GASK1A: variants seen among roughly 807,000 people sequenced by gnomAD.
GASK1A encodes the protein Golgi-associated kinase 1A.
A neutral mutation model predicts 41.2 loss-of-function variants in GASK1A; 40 were observed. The observed-to-expected ratio is 0.97, with a 90% confidence interval of 0.75 to 1.27. The LOEUF is 1.27. GASK1A is among the 50% of genes most tolerant of loss of function. GASK1A has a pLI of 0.00. For synonymous variants in GASK1A, 316 were observed against 307.1 expected (o/e 1.03, Z -0.30); for missense variants, 678 against 745.1 (o/e 0.91, Z 1.05).
intron 1 of GASK1A, among the ~76,000 whole-genome samples, chr3:42,997,794 GCAAA>G (rs1358670482): frequency 1.3e-5 from 2 of 152,208 alleles, no homozygotes; most frequent in Non-Finnish European, 2.9e-5. Context: ...GGATTCCAGT[GCAAA>G]CAGTTTATCT....
chr3:43,019,998 A>G (rs148710402), intron 1 of GASK1A, among the ~76,000 whole-genome samples: 1 of 152,250 alleles, frequency 6.6e-6, no homozygotes, highest in African/African-American at 2.4e-5. Flanking sequence ...GATGTCTGGT[A>G]GTTGAGGAAA....
rs185756449 is a variant in GASK1A at position 43,040,000 on chromosome 3, T to C, written c.1290+6447T>C. Among the ~76,000 whole-genome samples, 3 of 152,330 alleles carry C rather than the reference T, an allele frequency of 2.0e-5. No homozygotes were observed. The East Asian group carries it at 5.8e-4, about 29-fold the overall frequency. ...AATTAAGCTTTGTTTATAGTCTTTT[T>C]GCAGTGCAGAAAGTTTTAAAAATGT... On this transcript the variant is annotated intron_variant, in intron 2 of 4. Coordinates refer to ENST00000430121, the MANE Select transcript of GASK1A (RefSeq NM_001129908.3).
At chr3:42,994,433 G>A (rs1458469281) in intron 1 of GASK1A, among the ~76,000 whole-genome samples, 1 of 152,078 alleles carries the variant, frequency 6.6e-6, no homozygotes, top group African/African-American at 2.4e-5. Context: ...CAATTTGACT[G>A]TCTTTGTGTA....
chr3:43,029,552 C>T (rs1182676436), intron 1 of GASK1A, among the ~76,000 whole-genome samples: 1 of 152,090 alleles, frequency 6.6e-6, no homozygotes, highest in Non-Finnish European at 1.5e-5. Flanking sequence ...AACCCAACCC[C>T]TTGTAGATGA....
intron 2 of GASK1A, among the ~76,000 whole-genome samples, chr3:43,037,776 CAA>C (rs934542131): frequency 9.9e-5 from 15 of 152,178 alleles, no homozygotes; most frequent in African/African-American, 3.4e-4. Context: ...ATAAAGAAAA[CAA>C]ATTTTGGCAG....
intron 1 of GASK1A, among the ~76,000 whole-genome samples, chr3:42,997,392 A>G (rs1318883089): frequency 2.0e-5 from 3 of 146,868 alleles, no homozygotes; most frequent in Non-Finnish European, 3.0e-5. Flanking sequence ...GAGGTATTAC[A>G]TGTTCAAGCT....
At chr3:43,041,443 T>A (rs908820237) in intron 2 of GASK1A, among the ~76,000 whole-genome samples, 6 of 152,232 alleles carry the variant, frequency 3.9e-5, no homozygotes, top group South Asian at 4.1e-4. Context: ...GATATCTCAT[T>A]GTGGTTTTGA....
chr3:42,986,459 T>C (rs530222489), intron 1 of GASK1A, among the ~76,000 whole-genome samples: 1 of 152,272 alleles, frequency 6.6e-6, no homozygotes, highest in East Asian at 1.9e-4. Context: ...AGTTTCAGGT[T>C]TACTGTATGT....
chr3:42,997,379 T>A (rs1219945554), intron 1 of GASK1A, among the ~76,000 whole-genome samples: 3 of 146,488 alleles, frequency 2.0e-5, no homozygotes, highest in African/African-American at 5.0e-5. Flanking sequence ...ATGTTTCAAG[T>A]GTGAGGTATT....
intron 1 of GASK1A, among the ~76,000 whole-genome samples, chr3:42,992,868 A>G (rs911095175): frequency 6.6e-6 from 1 of 152,212 alleles, no homozygotes; most frequent in African/African-American, 2.4e-5. Context: ...GTCAGAACAA[A>G]TTTATAGACA....
At chr3:43,029,408 C>T (rs1487089848) in intron 1 of GASK1A, among the ~76,000 whole-genome samples, 1 of 152,130 alleles carries the variant, frequency 6.6e-6, no homozygotes, top group African/African-American at 2.4e-5. Context: ...CTGTGTTCTG[C>T]TACAGGTGCT....
At chr3:42,991,898 C>T (rs545633419) in intron 1 of GASK1A, among the ~76,000 whole-genome samples, 2 of 152,144 alleles carry the variant, frequency 1.3e-5, no homozygotes, top group Non-Finnish European at 2.9e-5. Context: ...CTGGATAGCA[C>T]GGGTGCTCAT....
At chr3:43,021,191 A>G (rs1559402325) in intron 1 of GASK1A, among the ~76,000 whole-genome samples, 1 of 152,068 alleles carries the variant, frequency 6.6e-6, no homozygotes, top group Non-Finnish European at 1.5e-5. Flanking sequence ...CACAATTGCT[A>G]GGCAGCCCCA....
Position 43,032,726 on chromosome 3 carries a change from C to T in GASK1A, c.463C>T (p.Gln155Ter), listed in dbSNP as rs2089583716. 2 of 1,551,392 alleles carry T rather than the reference C, an allele frequency of 1.3e-6. No homozygotes were observed. The highest frequency in any genetic ancestry group is 2.4e-5 in the South Asian group (2 of 84,066). Reference sequence around the variant, plus strand: ...AGGAACCAAAGACCTGGGCCACCCCCAGCATGGCAGTCCCATCCAGGAGAC... The same window carrying T: ...AGGAACCAAAGACCTGGGCCACCCCTAGCATGGCAGTCCCATCCAGGAGAC... ...DPGTKDLGHP[Q>*]HGSPIQETQS... The change falls in exon 2 of 5, where the codon CAG (glutamine) becomes TAG (stop). Residue 155 changes from glutamine to a stop codon, truncating the protein, a stop_gained. Transcript: ENST00000430121. LOFTEE classifies it high-confidence loss of function.
intron 1 of GASK1A, among the ~76,000 whole-genome samples, chr3:42,979,969 C>T (rs2089274310): frequency 6.6e-6 from 1 of 152,116 alleles, no homozygotes; most frequent in Admixed American, 6.5e-5. Context: ...GGGGAGCGTT[C>T]CCTGGGGAAC....
chr3:43,014,880 G>A (rs920639337), intron 1 of GASK1A, among the ~76,000 whole-genome samples: 6 of 151,906 alleles, frequency 3.9e-5, no homozygotes, highest in African/African-American at 1.5e-4. Context: ...AAGAGGCACT[G>A]TGAAATCACA....
At chr3:42,992,573 G>T (rs1199334450) in intron 1 of GASK1A, among the ~76,000 whole-genome samples, 1 of 152,114 alleles carries the variant, frequency 6.6e-6, no homozygotes, top group Admixed American at 6.5e-5. Context: ...TAGGAGTGGG[G>T]GATACCTTAG....
At chr3:43,039,007 A>G (rs1262236165) in intron 2 of GASK1A, among the ~76,000 whole-genome samples, 1 of 148,040 alleles carries the variant, frequency 6.8e-6, no homozygotes, top group East Asian at 2.0e-4. Context: ...TTATTCTTTT[A>G]GTATAAAAAA....
At chr3:42,990,843 C>A (rs1021447126) in intron 1 of GASK1A, among the ~76,000 whole-genome samples, 1 of 152,170 alleles carries the variant, frequency 6.6e-6, no homozygotes, top group Non-Finnish European at 1.5e-5. Context: ...CTCAGAGGAA[C>A]CAAATGCTTT....
Sources: allele counts gnomAD v4.1 joint callset (sites outside exome capture counted in the v4.1 genomes callset), GRCh38; gene constraint gnomAD v4.1.1; transcripts MANE v1.5; gene names NCBI Gene and HGNC (gene_info 2026-07-23, HGNC 2026-07-21).